GNG7: variants seen among roughly 807,000 people sequenced by gnomAD.
The protein encoded by GNG7 is G protein subunit gamma 7.
Under a neutral mutation model 4.0 loss-of-function variants are expected in GNG7, and 1 was observed. The ratio of observed to expected loss-of-function variants is 0.25; its 90% CI spans 0.09 to 1.18. The LOEUF (loss-of-function observed/expected upper bound fraction) is 1.18. Ranked by LOEUF, GNG7 falls within the 50% of genes most tolerant of loss-of-function variation. The pLI, the probability that GNG7 is intolerant of heterozygous loss-of-function variation, is 0.50. For missense variants in GNG7, 86 were observed against 91.9 expected (o/e 0.94, Z 0.26); for synonymous variants, 34 against 36.9 (o/e 0.92, Z 0.29).
chr19:2,591,742 T>A (rs180924808), intron 2 of GNG7, among the ~76,000 whole-genome samples: 2 of 152,250 alleles, frequency 1.3e-5, no homozygotes. Context: ...AAAGAGCACC[T>A]ACAAATCAAT....
rs751769795 is a variant in GNG7, at chr19:2,512,591, C to T, written c.*2431G>A. The stretch of plus-strand genomic sequence containing the variant: ...ACCATCTGCACCAGCCTAGGAGCCC[C>T]GGCTGCCTGGGGCTGCGTCTCTGCA... On this transcript the variant is annotated 3_prime_UTR_variant, in exon 5 of 5. Coordinates refer to ENST00000382159, the MANE Select transcript of GNG7 (RefSeq NM_052847.3). The surrounding 1 kb of genome is among the most constrained non-coding windows in gnomAD (Gnocchi z 4.7). 83 of 170,294 alleles carry T rather than the reference C, an allele frequency of 4.9e-4. No individual in the cohort carries two copies. The highest frequency in any genetic ancestry group is 7.7e-4 in the Non-Finnish European group (65 of 84,534). 10.5% of individuals were successfully genotyped at this position (170,294 alleles called of 1,614,324 possible).
At chr19:2,565,961 C>T (rs1181369292) in intron 2 of GNG7, among the ~76,000 whole-genome samples, 1 of 152,092 alleles carries the variant, frequency 6.6e-6, no homozygotes, top group Non-Finnish European at 1.5e-5. Context: ...AGTTCGAGAC[C>T]AGCCTGGCCA....
At position 2,521,147 on chromosome 19, in the gene GNG7, T is replaced by C. The variant is rs556431329; in HGVS notation, c.-37-422A>G. On this transcript the variant is annotated intron_variant, in intron 3 of 4. Transcript: ENST00000382159. ...CAGGCATGGTGGTGGGTGCCTATAG[T>C]CCCAGCTACTCTGGAGGCTGAGGCA... is the stretch of plus-strand genomic sequence containing the variant. Among the ~76,000 whole-genome samples, 281 of 150,276 alleles carry C rather than the reference T, an allele frequency of 1.9e-3. 1 individual carries two copies. The highest frequency in any genetic ancestry group is 6.4e-3 in the African/African-American group (260 of 40,944).
intron 2 of GNG7, among the ~76,000 whole-genome samples, chr19:2,555,973 C>A (rs1979530854): frequency 6.6e-6 from 1 of 152,194 alleles, no homozygotes; most frequent in Non-Finnish European, 1.5e-5. Flanking sequence ...ACGGGGACCA[C>A]CTTCCGTGGT....
rs115609398 is a variant in GNG7, at chr19:2,534,499, C to G, written c.-37-13774G>C. Among the ~76,000 whole-genome samples the G allele has an allele frequency of 6.5e-3, 990 of 152,338 alleles. 11 individuals carry two copies. Among genetic ancestry groups the G allele is most frequent in the African/African-American group, 0.023 (943 of 41,584 alleles). On this transcript the variant is annotated intron_variant, in intron 3 of 4. Transcript: ENST00000382159. Reference sequence around the variant, plus strand: ...CCCCAGCTCCAATCCCATCAAAGAACTGCCTTCTCTGATGCATGGCTCCAG... The same window carrying G: ...CCCCAGCTCCAATCCCATCAAAGAAGTGCCTTCTCTGATGCATGGCTCCAG...
intron 2 of GNG7, among the ~76,000 whole-genome samples, chr19:2,616,771 C>CA (rs960930597): frequency 1.0e-3 from 147 of 144,648 alleles, no homozygotes; most frequent in Middle Eastern, 7.2e-3. Flanking sequence ...AACCCCATCT[C>CA]AAAAAAAAAA....
intron 3 of GNG7, among the ~76,000 whole-genome samples, chr19:2,537,550 T>G (rs1978781410): frequency 1.3e-5 from 2 of 152,186 alleles, no homozygotes; most frequent in African/African-American, 4.8e-5. Flanking sequence ...AAAATAAATC[T>G]GATATAGAAT....
At chr19:2,632,016 T>A (rs1306047932) in intron 2 of GNG7, 1 of 152,252 alleles carries the variant, frequency 6.6e-6, no homozygotes, top group South Asian at 2.1e-4. Flanking sequence ...TAGCATCGAC[T>A]AGGCTAATCC....
chr19:2,672,441 G>A (rs751310429), intron 1 of GNG7, among the ~76,000 whole-genome samples: 14 of 144,380 alleles, frequency 9.7e-5, no homozygotes, highest in Non-Finnish European at 1.7e-4. Context: ...CAGGTGTGAC[G>A]CCCGATTTTT....
intron 1 of GNG7, among the ~76,000 whole-genome samples, chr19:2,664,608 C>A (rs1983258670): frequency 6.6e-6 from 1 of 152,274 alleles, no homozygotes; most frequent in African/African-American, 2.4e-5. Context: ...GTGTCCTGCA[C>A]CCTCAGTGCT....
In GNG7 at chr19:2,558,121, G is replaced by T. The variant is rs185427370; in HGVS notation, c.-77-2933C>A. Among the ~76,000 whole-genome samples the T allele has an allele frequency of 1.3e-3, 201 of 152,068 alleles. 1 individual carries two copies. Among genetic ancestry groups the T allele is most frequent in the Non-Finnish European group, 1.9e-3 (132 of 67,988 alleles). On this transcript the variant is annotated intron_variant, in intron 2 of 4. Coordinates refer to ENST00000382159, the MANE Select transcript of GNG7 (RefSeq NM_052847.3). ...CTCCGAAAGTGCTGGGATTACAGGCGTGAGCCACCGCGCCCGGCCTCTCAG... is the reference window on the plus strand; with the variant it reads ...CTCCGAAAGTGCTGGGATTACAGGCTTGAGCCACCGCGCCCGGCCTCTCAG...
At position 2,626,299 on chromosome 19, in the gene GNG7, G is replaced by A. The variant is rs976888390; in HGVS notation, c.-78+19925C>T. 2.6e-5 allele frequency among the ~76,000 whole-genome samples: 4 copies of A among 152,114 alleles called. No homozygotes were observed. The highest frequency in any genetic ancestry group is 2.1e-4 in the South Asian group (1 of 4,818). ...ACCAGCGGCACCGTGGAAACCCACC[G>A]GGATCTCTGCCACCCACAGGAGGCT... On this transcript the variant is annotated intron_variant, in intron 2 of 4. Coordinates refer to ENST00000382159, the MANE Select transcript of GNG7 (RefSeq NM_052847.3). The surrounding 1 kb of genome is among the most constrained non-coding windows in gnomAD (Gnocchi z 5.0).
chr19:2,701,966 C>G (rs1487966112), intron 1 of GNG7, among the ~76,000 whole-genome samples: 1 of 146,190 alleles, frequency 6.8e-6, no homozygotes, highest in Non-Finnish European at 1.5e-5. Context: ...GGCAGCTAAC[C>G]TCGACCTGCG....
chr19:2,609,219 G>A lies in GNG7; in HGVS notation c.-78+37005C>T, dbSNP rs887318330. ...TTTTTAATTTTTCGTAGAGATGGGG[G>A]TCTCACTATGTTGCCAAGGCTGGTC... On this transcript the variant is annotated intron_variant, in intron 2 of 4. Coordinates refer to ENST00000382159, the MANE Select transcript of GNG7 (RefSeq NM_052847.3). The surrounding 1 kb of genome is among the most constrained non-coding windows in gnomAD (Gnocchi z 4.4). Among the ~76,000 whole-genome samples the A allele has an allele frequency of 4.6e-5, 7 of 152,116 alleles. No homozygotes were observed. The highest frequency in any genetic ancestry group is 1.4e-4 in the African/African-American group (6 of 41,492).
intron 2 of GNG7, among the ~76,000 whole-genome samples, chr19:2,560,517 G>T (rs1264489416): frequency 6.6e-6 from 1 of 152,034 alleles, no homozygotes; most frequent in African/African-American, 2.4e-5. Flanking sequence ...GGGGACCCTG[G>T]GCGGTGGCTG....
At chr19:2,517,509 C>T (rs1247284835) in intron 4 of GNG7, among the ~76,000 whole-genome samples, 5 of 152,214 alleles carry the variant, frequency 3.3e-5, no homozygotes, top group South Asian at 2.1e-4. Flanking sequence ...GGACTCCAGG[C>T]GCACGCCACC....
At chr19:2,523,491 C>G (rs1420034410) in intron 3 of GNG7, among the ~76,000 whole-genome samples, 1 of 151,900 alleles carries the variant, frequency 6.6e-6, no homozygotes, top group Admixed American at 6.6e-5. Context: ...AGGTTGAGGC[C>G]AGACTGGGCA....
At chr19:2,648,881 T>C (rs1387123998) in intron 1 of GNG7, among the ~76,000 whole-genome samples, 1 of 149,124 alleles carries the variant, frequency 6.7e-6, no homozygotes, top group Non-Finnish European at 1.5e-5. Context: ...TGTTTTTTTT[T>C]TTGTTTTTTG....
chr19:2,536,060 G>A (rs1231797524), intron 3 of GNG7, among the ~76,000 whole-genome samples: 8 of 152,106 alleles, frequency 5.3e-5, no homozygotes, highest in Admixed American at 5.2e-4. Flanking sequence ...AGGAGTTGGA[G>A]GCTGCGGTGA....
Sources: allele counts gnomAD v4.1 joint callset (sites outside exome capture counted in the v4.1 genomes callset), GRCh38; gene constraint gnomAD v4.1.1; non-coding constraint Gnocchi (gnomAD v3.1); transcripts MANE v1.5; gene names NCBI Gene and HGNC (gene_info 2026-07-23, HGNC 2026-07-21).